The following SLCO2A1 variants were observed in gnomAD, a reference collection of about 807,000 sequenced individuals.
SLCO2A1 encodes matrin F/G 1.
Under a neutral mutation model 71.7 loss-of-function variants are expected in SLCO2A1, and 60 were observed. The observed-to-expected ratio is 0.84, with a 90% CI of 0.68 to 1.04. The LOEUF is 1.04. Ranked by LOEUF, SLCO2A1 falls within the 50% of genes least tolerant of loss-of-function variation. SLCO2A1 has a pLI of 0.00. For missense variants in SLCO2A1, 745 were observed against 813.4 expected, an observed-to-expected ratio of 0.92 and a Z score of 1.02; for synonymous variants, 308 against 326.7, an observed-to-expected ratio of 0.94 and a Z score of 0.62.
intron 1 of SLCO2A1, among the ~76,000 whole-genome samples, chr3:133,991,628 A>T (rs1043003631): frequency 6.6e-6 from 1 of 152,198 alleles, no homozygotes; most frequent in Non-Finnish European, 1.5e-5. Flanking sequence ...AAAAATCAGA[A>T]CAATCTAGGA....
intron 1 of SLCO2A1, among the ~76,000 whole-genome samples, chr3:133,996,440 G>A (rs1247941572): frequency 6.6e-6 from 1 of 152,194 alleles, no homozygotes; most frequent in Non-Finnish European, 1.5e-5. Context: ...ACGCCTGTCG[G>A]CTCTCCCCAG....
At chr3:133,973,997 G>C (rs1934395215) in intron 2 of SLCO2A1, among the ~76,000 whole-genome samples, 172 bp from the exon 3 acceptor site, 1 of 152,202 alleles carries the variant, frequency 6.6e-6, no homozygotes, top group African/African-American at 2.4e-5. Context: ...AGCTTCACAA[G>C]GGGCAAGCAT....
Position 133,985,740 on chromosome 3 carries a change from C to A in SLCO2A1, c.97-6122G>T, listed in dbSNP as rs539441085. Among the ~76,000 whole-genome samples the A allele has an allele frequency of 9.7e-4, 148 of 152,300 alleles. 1 individual carries two copies. Among genetic ancestry groups the A allele is most frequent in the African/African-American group, 3.3e-3 (139 of 41,554 alleles). On this transcript the variant is annotated intron_variant, in intron 1 of 13. Transcript: ENST00000310926. ...AATGATGCCCAGTTCAAAATTGGGG[C>A]TCAATCTTTGTCAAATGAACAATAT...
chr3:133,964,159 C>T (rs778383714), intron 3 of SLCO2A1, among the ~76,000 whole-genome samples: 1 of 152,140 alleles, frequency 6.6e-6, no homozygotes, highest in Non-Finnish European at 1.5e-5. Flanking sequence ...AATGAGTTGA[C>T]GTTGACAGTC....
chr3:134,029,489 C>CACAT (rs57940933), intron 1 of SLCO2A1, among the ~76,000 whole-genome samples: 1 of 115,738 alleles, frequency 8.6e-6, no homozygotes, highest in African/African-American at 3.9e-5. Context: ...CACACACACA[C>CACAT]TCGCACGCAC....
chr3:133,934,714 C>A lies in SLCO2A1; in HGVS notation c.1931G>T (p.Ter644LeuextTer59). Residue 644 changes from the stop codon to leucine, a stop_lost, in exon 14 of 14, where the codon TGA (stop) becomes TTA (leucine). Transcript: ENST00000310926. ...YNVQKAAGLI[*>L] The stretch of plus-strand genomic sequence containing the variant: ...GCAGGGCAGTGGCCCAGGGTGGGGT[C>A]AGATGAGGCCTGCCGCCTTCTGCAC... 1 of 1,611,804 alleles carries A rather than the reference C, an allele frequency of 6.2e-7. No homozygotes were observed. The highest frequency in any genetic ancestry group is 1.1e-5 in the South Asian group (1 of 91,006).
At chr3:134,009,823 T>C (rs1324080874) in intron 1 of SLCO2A1, among the ~76,000 whole-genome samples, 1 of 152,192 alleles carries the variant, frequency 6.6e-6, no homozygotes, top group Non-Finnish European at 1.5e-5. Context: ...GGCTCAACAG[T>C]CTGTGGTTTG....
intron 1 of SLCO2A1, among the ~76,000 whole-genome samples, chr3:133,983,605 G>T (rs1167418104): frequency 6.6e-6 from 1 of 152,208 alleles, no homozygotes; most frequent in Non-Finnish European, 1.5e-5. Context: ...CAGTGCCTTT[G>T]CTCACAGTCT....
chr3:133,962,373 C>A (rs1308612300), intron 3 of SLCO2A1, among the ~76,000 whole-genome samples: 3 of 152,150 alleles, frequency 2.0e-5, no homozygotes, highest in African/African-American at 7.2e-5. Flanking sequence ...AGCCACTGCG[C>A]TCAGCCAAGT....
Position 134,009,423 on chromosome 3 carries a change from G to T in SLCO2A1, c.96+20284C>A, listed in dbSNP as rs7625396. Among the ~76,000 whole-genome samples the T allele has an allele frequency of 5.8e-3, 890 of 152,306 alleles. 9 individuals carry two copies. The highest frequency in any genetic ancestry group is 0.02 in the African/African-American group (841 of 41,562). On this transcript the variant is annotated intron_variant, in intron 1 of 13. Transcript: ENST00000310926. ...AAAAATGATTTGCATGTATTTTATA[G>T]ATGGATGTCCCATGATTTATTTATT...
At chr3:133,984,030 C>T (rs1396458538) in intron 1 of SLCO2A1, among the ~76,000 whole-genome samples, 1 of 152,166 alleles carries the variant, frequency 6.6e-6, no homozygotes, top group Non-Finnish European at 1.5e-5. Flanking sequence ...AGATCAAGGA[C>T]TGAGAGTTCA....
At chr3:133,949,339 A>C (rs151213560) in intron 6 of SLCO2A1, 172 of 259,208 alleles carry the variant, frequency 6.6e-4, no homozygotes, top group African/African-American at 3.5e-3. Flanking sequence ...TCCAGGGGAT[A>C]CTGGCTTCTG....
chr3:134,023,149 C>A (rs28788901), intron 1 of SLCO2A1, among the ~76,000 whole-genome samples: 3,621 of 38,748 alleles, frequency 0.093, 147 homozygotes, highest in African/African-American at 0.16. Flanking sequence ...AACAAACAAA[C>A]AAACAAAAGA....
chr3:133,938,520 G>C, intron 11 of SLCO2A1, 27 bp from the exon 12 acceptor site: 4 of 1,610,320 alleles, frequency 2.5e-6, no homozygotes, highest in Non-Finnish European at 3.4e-6. Flanking sequence ...GAAATCAGCA[G>C]TGGGAGGATT....
rs754901397 is a variant in SLCO2A1 at position 133,947,410 on chromosome 3, G to A, written c.1141C>T (p.Leu381=). ...VNLPAAALGM[L]FGGILMKRFV... Reference sequence around the variant, plus strand: ...CGCTTCATGAGGATTCCTCCAAACAGCATCCCCAAGGCTGCAGCAGGGAGG... The same window carrying A: ...CGCTTCATGAGGATTCCTCCAAACAACATCCCCAAGGCTGCAGCAGGGAGG... Residue 381 remains leucine (L), a synonymous_variant, in exon 9 of 14, where the codon CTG becomes TTG. Transcript: ENST00000310926. The A allele has an allele frequency of 1.1e-5, 18 of 1,614,008 alleles. No homozygotes were observed. The highest frequency in any genetic ancestry group is 1.4e-5 in the Non-Finnish European group (16 of 1,179,974).
intron 1 of SLCO2A1, among the ~76,000 whole-genome samples, chr3:134,021,895 C>T (rs1439746236): frequency 1.3e-5 from 2 of 151,836 alleles, no homozygotes; most frequent in Admixed American, 6.6e-5. Flanking sequence ...ATCCTGAAAG[C>T]ACTGAGGCCT....
At chr3:133,987,728 G>A (rs965467463) in intron 1 of SLCO2A1, among the ~76,000 whole-genome samples, 12 of 152,068 alleles carry the variant, frequency 7.9e-5, no homozygotes, top group East Asian at 1.9e-4. Context: ...TCTTTTCATC[G>A]ATATCCACTA....
intron 1 of SLCO2A1, among the ~76,000 whole-genome samples, chr3:134,004,895 T>C (rs1157876901): frequency 6.6e-6 from 1 of 152,226 alleles, no homozygotes; most frequent in Non-Finnish European, 1.5e-5. Context: ...TTGTGTTGTT[T>C]TAAGCCACTC....
intron 1 of SLCO2A1, among the ~76,000 whole-genome samples, chr3:134,020,777 G>A (rs193079536): frequency 3.5e-5 from 5 of 141,692 alleles, no homozygotes; most frequent in African/African-American, 1.1e-4. Flanking sequence ...GCCTGATCAC[G>A]CATGGTGTGC....
Sources: gnomAD v4.1 joint callset for allele counts (sites outside exome capture counted in the v4.1 genomes callset) on GRCh38, gnomAD v4.1.1 for gene constraint, MANE v1.5 for transcripts, NCBI Gene and HGNC (gene_info 2026-07-23, HGNC 2026-07-21) for gene names.